CDC5L: variants seen among roughly 807,000 people sequenced by gnomAD.
The protein encoded by CDC5L is cell division cycle 5 like.
A neutral mutation model predicts 104.1 loss-of-function variants in CDC5L; 18 were observed. The ratio of observed to expected loss-of-function variants is 0.17; its 90% CI spans 0.12 to 0.26. CDC5L has a LOEUF of 0.26. Ranked by LOEUF, CDC5L falls within the 10% of genes least tolerant of loss-of-function variation. CDC5L has a pLI of 1.00. For missense variants in CDC5L, 673 were observed against 956.9 expected (o/e 0.70, Z 3.91); for synonymous variants, 331 against 322.7 (o/e 1.03, Z -0.28).
At chr6:44,412,731 G>C (rs1242015863) in intron 8 of CDC5L, among the ~76,000 whole-genome samples, 1 of 146,884 alleles carries the variant, frequency 6.8e-6, no homozygotes, top group Non-Finnish European at 1.5e-5. Flanking sequence ...CATTTTTACT[G>C]TATTTACCGA....
chr6:44,395,830 A>G (rs1456555598), intron 4 of CDC5L, among the ~76,000 whole-genome samples: 2 of 152,192 alleles, frequency 1.3e-5, no homozygotes, highest in Non-Finnish European at 2.9e-5. Flanking sequence ...GTATTATTCC[A>G]TTCTATAGAG....
chr6:44,407,165 G>A (rs1007948406), intron 7 of CDC5L, among the ~76,000 whole-genome samples: 2 of 152,114 alleles, frequency 1.3e-5, no homozygotes, highest in Non-Finnish European at 2.9e-5. Context: ...TTCTCCCAGG[G>A]AATGTTTTGT....
In CDC5L at chr6:44,424,320, A is replaced by G. The variant is rs1001675110; in HGVS notation, c.1405-99A>G. On this transcript the variant is annotated intron_variant, in intron 10 of 15. Coordinates refer to ENST00000371477, the MANE Select transcript of CDC5L (RefSeq NM_001253.4). ...TTTAAAATGTACAGTTATTTTGACT[A>G]GAGTCACCCTGTTGTGCTATCAATT... The G allele has an allele frequency of 9.1e-6, 9 of 986,852 alleles. No homozygotes were observed. The African/African-American group carries it at 1.1e-4, about 13-fold the overall frequency. The allele number at this position is 986,852 out of a possible 1,614,324, so 61.1% of individuals were successfully genotyped here.
intron 6 of CDC5L, among the ~76,000 whole-genome samples, chr6:44,405,131 T>C (rs1791308700): frequency 6.6e-6 from 1 of 152,234 alleles, no homozygotes; most frequent in East Asian, 1.9e-4. Context: ...TAGCAGATTT[T>C]CCCTATTTCT....
intron 9 of CDC5L, among the ~76,000 whole-genome samples, chr6:44,421,131 G>A (rs1331047090): frequency 2.6e-5 from 4 of 152,120 alleles, no homozygotes; most frequent in African/African-American, 7.2e-5. Flanking sequence ...TTCTAAGATC[G>A]TTAATATTTT....
intron 8 of CDC5L, 114 bp downstream of exon 8, chr6:44,408,746 C>CT (rs1362400419): frequency 3.0e-6 from 2 of 658,558 alleles, no homozygotes; most frequent in Non-Finnish European, 4.9e-6. Context: ...TGGTTTGAAA[C>CT]TGAGTCCTGA....
rs546554300 is a variant in CDC5L, at chr6:44,440,871, C to A, written c.2092-4784C>A. Among the ~76,000 whole-genome samples, 19 of 152,096 alleles carry A rather than the reference C, an allele frequency of 1.2e-4. No homozygotes were observed. In the South Asian group the frequency reaches 3.5e-3, roughly 28 times the overall value. On this transcript the variant is annotated intron_variant, in intron 14 of 15. Transcript: ENST00000371477. ...TACAGGCGTGTGCCACCTTGCCTAG[C>A]TAATTTTTGTATTTTTAATAGAGAT... is the stretch of plus-strand genomic sequence containing the variant.
chr6:44,396,973 C>A (rs1790898185), intron 5 of CDC5L, among the ~76,000 whole-genome samples: 1 of 152,206 alleles, frequency 6.6e-6, no homozygotes, highest in South Asian at 2.1e-4. Context: ...TTTTCGGAAG[C>A]CCCCATGTAT....
At chr6:44,408,339 C>A in intron 7 of CDC5L, 105 bp from the exon 8 acceptor site, 6 of 668,900 alleles carry the variant, frequency 9.0e-6, no homozygotes, top group East Asian at 3.6e-5. Context: ...TGGGCTCAAA[C>A]AGTTTGCCCT....
intron 2 of CDC5L, among the ~76,000 whole-genome samples, chr6:44,392,290 A>G (rs758057323): frequency 1.3e-5 from 2 of 152,244 alleles, no homozygotes; most frequent in Admixed American, 6.5e-5. Context: ...TGTGAGAATC[A>G]AAGCATGAGA....
intron 8 of CDC5L, among the ~76,000 whole-genome samples, chr6:44,409,739 TGGACTCATTATTCTTCAG>T (rs993073566): frequency 6.6e-6 from 1 of 152,208 alleles, no homozygotes; most frequent in African/African-American, 2.4e-5. Context: ...TGTTCTTGCC[TGGACTCATTATTCTTCAG>T]GGCTTGTTTA....
At chr6:44,401,610 T>C (rs1179691083) in intron 5 of CDC5L, among the ~76,000 whole-genome samples, 1 of 151,808 alleles carries the variant, frequency 6.6e-6, no homozygotes, top group African/African-American at 2.4e-5. Flanking sequence ...AGGGAGTGGG[T>C]CTTGGTTTAA....
chr6:44,389,224 A>G (rs1790487752), intron 1 of CDC5L, among the ~76,000 whole-genome samples: 2 of 152,226 alleles, frequency 1.3e-5, no homozygotes, highest in South Asian at 4.1e-4. Context: ...TACAAAAAAG[A>G]CAATGAAAAC....
At chr6:44,413,223 A>G (rs1211866025) in intron 8 of CDC5L, among the ~76,000 whole-genome samples, 1 of 152,208 alleles carries the variant, frequency 6.6e-6, no homozygotes, top group Non-Finnish European at 1.5e-5. Flanking sequence ...CTGCACATAT[A>G]TGTAAATGAA....
intron 14 of CDC5L, among the ~76,000 whole-genome samples, chr6:44,445,254 G>A (rs1200881696): frequency 1.3e-5 from 2 of 152,118 alleles, no homozygotes; most frequent in Non-Finnish European, 2.9e-5. Flanking sequence ...GGGTCTTGAT[G>A]TGTGAACAGA....
At chr6:44,428,019 A>C (rs1224841477) in intron 13 of CDC5L, among the ~76,000 whole-genome samples, 1 of 152,132 alleles carries the variant, frequency 6.6e-6, no homozygotes, top group African/African-American at 2.4e-5. Context: ...ATCTGTGTAT[A>C]TCTCTCTTTG....
intron 14 of CDC5L, 72 bp from the exon 15 acceptor site, chr6:44,445,583 A>G (rs1352865404): frequency 4.8e-6 from 5 of 1,036,904 alleles, no homozygotes; most frequent in Admixed American, 2.4e-5. Context: ...AACGCATGGT[A>G]CCTTTTTAGC....
At chr6:44,439,457 A>G (rs1793081861) in intron 14 of CDC5L, among the ~76,000 whole-genome samples, 7 of 152,156 alleles carry the variant, frequency 4.6e-5, no homozygotes, top group Admixed American at 4.6e-4. Flanking sequence ...CCGCGAGTCC[A>G]TGTTCTAACG....
intron 5 of CDC5L, among the ~76,000 whole-genome samples, chr6:44,398,992 G>T (rs1007952176): frequency 6.6e-6 from 1 of 152,198 alleles, no homozygotes; most frequent in African/African-American, 2.4e-5. Context: ...TTAAGAGAGG[G>T]TCTTTCTCTG....
Sources: gnomAD v4.1 joint callset for allele counts (sites outside exome capture counted in the v4.1 genomes callset) on GRCh38, gnomAD v4.1.1 for gene constraint, MANE v1.5 for transcripts, NCBI Gene and HGNC (gene_info 2026-07-23, HGNC 2026-07-21) for gene names.